Variants in LRMDA observed in about 807,000 individuals in gnomAD.
LRMDA encodes the protein leucine rich melanocyte differentiation associated.
In LRMDA, 18 loss-of-function variants were observed where a neutral mutation model predicts 29.8. That is an observed-to-expected ratio of 0.60 (90% CI 0.42 to 0.90). The LOEUF is 0.90. LRMDA is among the 40% of genes least tolerant of loss of function. LRMDA has a pLI of 0.00. For synonymous variants in LRMDA, 125 were observed against 109.4 expected (o/e 1.14, Z -0.89); for missense variants, 273 against 273.9 (o/e 1.00, Z 0.02).
intron 6 of LRMDA, among the ~76,000 whole-genome samples, chr10:76,382,067 T>A (rs1841599653): frequency 6.6e-6 from 1 of 152,198 alleles, no homozygotes; most frequent in African/African-American, 2.4e-5. Flanking sequence ...GAAAAATAAG[T>A]GAAGACAGGA....
intron 6 of LRMDA, among the ~76,000 whole-genome samples, chr10:76,419,728 G>A (rs888725791): frequency 9.9e-4 from 151 of 151,998 alleles, no homozygotes; most frequent in African/African-American, 3.3e-3. Context: ...TATCTTCTTT[G>A]ATAAAGTGTC....
intron 6 of LRMDA, among the ~76,000 whole-genome samples, chr10:76,359,779 T>C (rs1170364073): frequency 6.6e-6 from 1 of 152,204 alleles, no homozygotes; most frequent in African/African-American, 2.4e-5. Context: ...CTTAATATCT[T>C]GGTTAGAATA....
intron 5 of LRMDA, among the ~76,000 whole-genome samples, chr10:76,290,897 A>C (rs1840332396): frequency 6.6e-6 from 1 of 152,244 alleles, no homozygotes; most frequent in Admixed American, 6.5e-5. Context: ...GTGTGATGTG[A>C]AAAAGAGTCA....
chr10:75,519,463 T>C (rs1453318321), intron 2 of LRMDA, among the ~76,000 whole-genome samples: 1 of 152,258 alleles, frequency 6.6e-6, no homozygotes, highest in Non-Finnish European at 1.5e-5. Flanking sequence ...TTGATCTTTG[T>C]TGATTTAAAG....
intron 2 of LRMDA, among the ~76,000 whole-genome samples, chr10:75,832,922 A>T (rs1254078614): frequency 6.6e-6 from 1 of 152,218 alleles, no homozygotes; most frequent in Non-Finnish European, 1.5e-5. Flanking sequence ...CTCCCACAAC[A>T]CTTGGGAAGT....
intron 5 of LRMDA, among the ~76,000 whole-genome samples, chr10:76,147,794 T>A (rs1392939196): frequency 6.6e-6 from 1 of 152,178 alleles, no homozygotes; most frequent in Non-Finnish European, 1.5e-5. Context: ...TTCTGGTCTG[T>A]TTTTTTCCCA....
At chr10:76,509,332 C>G (rs1416111280) in intron 6 of LRMDA, among the ~76,000 whole-genome samples, 1 of 152,128 alleles carries the variant, frequency 6.6e-6, no homozygotes, top group Non-Finnish European at 1.5e-5. Flanking sequence ...CTGCCCTAGA[C>G]ATGAGTGATG....
At chr10:75,697,571 C>T (rs576250961) in intron 2 of LRMDA, among the ~76,000 whole-genome samples, 1 of 150,594 alleles carries the variant, frequency 6.6e-6, no homozygotes, top group African/African-American at 2.4e-5. Flanking sequence ...TGTGTTATAA[C>T]CCAGGATTTT....
chr10:75,952,283 A>T (rs900916952), intron 2 of LRMDA, among the ~76,000 whole-genome samples: 2 of 152,200 alleles, frequency 1.3e-5, no homozygotes, highest in African/African-American at 4.8e-5. Flanking sequence ...AAAGTAATTG[A>T]AAATATTGAT....
chr10:75,697,943 C>T (rs1842258109), intron 2 of LRMDA, among the ~76,000 whole-genome samples: 1 of 152,106 alleles, frequency 6.6e-6, no homozygotes, highest in South Asian at 2.1e-4. Context: ...CTTTTGCTCA[C>T]ATGTTGGTTG....
chr10:76,275,615 A>G (rs1314225958), intron 5 of LRMDA, among the ~76,000 whole-genome samples: 1 of 151,828 alleles, frequency 6.6e-6, no homozygotes. Flanking sequence ...ATCTTTCCAA[A>G]TTGCTTTTTA....
At chr10:75,984,129 TC>T (rs1303090385) in intron 2 of LRMDA, among the ~76,000 whole-genome samples, 1 of 152,090 alleles carries the variant, frequency 6.6e-6, no homozygotes, top group African/African-American at 2.4e-5. Context: ...GGCAAGTCTT[TC>T]CTTCAACGAC....
intron 2 of LRMDA, among the ~76,000 whole-genome samples, chr10:75,729,211 A>G (rs748490167): frequency 2.3e-4 from 35 of 152,366 alleles, no homozygotes; most frequent in Non-Finnish European, 4.3e-4. Context: ...CAGAATCTTG[A>G]CTGAATTAGC....
chr10:75,434,495 C>T (rs566871144), intron 1 of LRMDA, among the ~76,000 whole-genome samples: 9 of 152,274 alleles, frequency 5.9e-5, no homozygotes, highest in Non-Finnish European at 8.8e-5. Flanking sequence ...GTGACTCATC[C>T]GCGACAACAC....
chr10:75,580,737 C>A (rs1011866846), intron 2 of LRMDA, among the ~76,000 whole-genome samples: 2 of 152,144 alleles, frequency 1.3e-5, no homozygotes, highest in African/African-American at 2.4e-5. Context: ...ACCAATGGAA[C>A]AGAACAGAGG....
intron 5 of LRMDA, among the ~76,000 whole-genome samples, chr10:76,132,341 C>T (rs749124906): frequency 6.6e-6 from 1 of 152,066 alleles, no homozygotes. Flanking sequence ...GGGACTGATG[C>T]CTGGCTATTA....
At chr10:76,400,655 C>T (rs983980523) in intron 6 of LRMDA, among the ~76,000 whole-genome samples, 14 of 152,202 alleles carry the variant, frequency 9.2e-5, no homozygotes, top group African/African-American at 1.4e-4. Flanking sequence ...TTGCTGACAT[C>T]GTTACCATTT....
At chr10:76,392,603 T>A (rs77461589) in intron 6 of LRMDA, among the ~76,000 whole-genome samples, 4,262 of 152,170 alleles carry the variant, frequency 0.028, 54 homozygotes, top group African/African-American at 0.042. Context: ...AGTTTCAGAT[T>A]TTTGAGTATT....
intron 5 of LRMDA, among the ~76,000 whole-genome samples, chr10:76,086,889 G>A (rs3998124): frequency 0.42 from 64,464 of 152,002 alleles, 14,194 homozygotes; most frequent in African/African-American, 0.45. Flanking sequence ...ACAGAAAAAA[G>A]GGCTGAGTGG....
Sources: gnomAD v4.1 joint callset for allele counts (sites outside exome capture counted in the v4.1 genomes callset) on GRCh38, gnomAD v4.1.1 for gene constraint, MANE v1.5 for transcripts, NCBI Gene and HGNC (gene_info 2026-07-23, HGNC 2026-07-21) for gene names.